The following PTRH1 variants were observed in gnomAD, a reference collection of about 807,000 sequenced individuals.
The protein encoded by PTRH1 is peptidyl-tRNA hydrolase.
A neutral mutation model predicts 15.7 loss-of-function variants in PTRH1; 13 were observed. The ratio of observed to expected loss-of-function variants is 0.83; its 90% CI spans 0.54 to 1.31. The LOEUF (loss-of-function observed/expected upper bound fraction) is 1.31. PTRH1 is among the 40% of genes most tolerant of loss of function. The pLI is 0.00. For synonymous variants in PTRH1, 139 were observed against 136.7 expected (o/e 1.02, Z -0.12); for missense variants, 319 against 296.2 (o/e 1.08, Z -0.56).
At chr9:127,712,925 C>T, downstream of PTRH1, 1 of 1,589,662 alleles carries the variant, frequency 6.3e-7, no homozygotes, top group South Asian at 1.1e-5. Context: ...GAGAGCAGGG[C>T]AAAGGCATTC....
In PTRH1 at chr9:127,715,326, G is replaced by A. The variant is rs766688810; in HGVS notation, c.97-132C>T. The A allele has an allele frequency of 1.1e-5, 14 of 1,289,856 alleles. No individual in the cohort carries two copies. Among genetic ancestry groups the A allele is most frequent in the South Asian group, 7.6e-5 (6 of 78,970 alleles). 79.9% of individuals were successfully genotyped at this position (1,289,856 alleles called of 1,614,324 possible). On this transcript the variant is annotated intron_variant, in intron 1 of 4. Coordinates refer to ENST00000543175, the MANE Select transcript of PTRH1 (RefSeq NM_001002913.3). The surrounding 1 kb of genome is among the most constrained non-coding windows in gnomAD (Gnocchi z 5.8). ...GCAGTGGGGAAGGGGCGCGAAGAAG[G>A]GGCCCAGAAACCCGACCCCTGAGAA...
Position 127,705,925 on chromosome 9 carries a change from C to T in PTRH1, c.205+9510G>A, listed in dbSNP as rs1842642645. Among the ~76,000 whole-genome samples the T allele has an allele frequency of 6.6e-6, 1 of 152,240 alleles. No homozygotes were observed. Among genetic ancestry groups the T allele is most frequent in the Non-Finnish European group, 1.5e-5 (1 of 68,038 alleles). On this transcript the variant is annotated intron_variant, in intron 1 of 2. Coordinates refer to the PTRH1 transcript ENST00000335223. The surrounding 1 kb of genome is among the most constrained non-coding windows in gnomAD (Gnocchi z 4.7). Reference sequence around the variant, plus strand: ...GGCTGCCCTGCCTGCAGGGAACAGGCACCCTGGGAAGGGCAGACCACCACA... The same window carrying T: ...GGCTGCCCTGCCTGCAGGGAACAGGTACCCTGGGAAGGGCAGACCACCACA...
At position 127,705,969 on chromosome 9, in the gene PTRH1, C is replaced by T. The variant is rs1254105744; in HGVS notation, c.205+9466G>A. The stretch of plus-strand genomic sequence containing the variant: ...CACCACAGGCGAGGTCCAGGGCTGT[C>T]GGAAATTCCAGGCAGGCCTGCCTAC... On this transcript the variant is annotated intron_variant, in intron 1 of 2. Transcript: ENST00000335223. The surrounding 1 kb of genome is among the most constrained non-coding windows in gnomAD (Gnocchi z 4.7). Among the ~76,000 whole-genome samples, 6 of 152,232 alleles carry T rather than the reference C, an allele frequency of 3.9e-5. No individual in the cohort carries two copies. Among genetic ancestry groups the T allele is most frequent in the African/African-American group, 1.4e-4 (6 of 41,458 alleles).
chr9:127,704,804 T>G (rs916405279), intron 1 of PTRH1, among the ~76,000 whole-genome samples: 1 of 152,150 alleles, frequency 6.6e-6, no homozygotes, highest in African/African-American at 2.4e-5. Flanking sequence ...ACAGAGACAC[T>G]GTGGCATGAT....
chr9:127,701,634 C>T (rs1026551189), intron 1 of PTRH1, among the ~76,000 whole-genome samples: 10 of 152,258 alleles, frequency 6.6e-5, no homozygotes, highest in East Asian at 1.9e-4. Flanking sequence ...ATGTTTGGGC[C>T]GGGAGCGGTG....
Position 127,713,880 on chromosome 9 carries a change from C to T in PTRH1, c.*220G>A, listed in dbSNP as rs1842829567. On this transcript the variant is annotated 3_prime_UTR_variant, in exon 5 of 5. Coordinates refer to ENST00000543175, the MANE Select transcript of PTRH1 (RefSeq NM_001002913.3). ...AAAAGGCTTGAAAAGTTTAGTCTTCCTGAAGTTCCCCTACGTCCCAAGTAG... is the reference window on the plus strand; with the variant it reads ...AAAAGGCTTGAAAAGTTTAGTCTTCTTGAAGTTCCCCTACGTCCCAAGTAG... 2.5e-6 allele frequency: 4 copies of T among 1,613,840 alleles called. No individual in the cohort carries two copies. The highest frequency in any genetic ancestry group is 1.7e-5 in the Admixed American group (1 of 59,994).
At chr9:127,711,104 C>A (rs886137834), downstream of PTRH1, 8 of 1,260,378 alleles carry the variant, frequency 6.3e-6, no homozygotes, top group African/African-American at 7.6e-5. Flanking sequence ...ATAGCCCCAA[C>A]CCTCCCAGGG....
Position 127,714,741 on chromosome 9 carries a change from C to A in PTRH1, c.317-39G>T, listed in dbSNP as rs373268232. Reference sequence around the variant, plus strand: ...AACGGCAGCCCTGGTTACTGCCCATCTGCCCAGAGAGGCACTGTCCCGACT... The same window carrying A: ...AACGGCAGCCCTGGTTACTGCCCATATGCCCAGAGAGGCACTGTCCCGACT... On this transcript the variant is annotated intron_variant, in intron 2 of 4. Transcript: ENST00000543175. 1.7e-4 allele frequency: 264 copies of A among 1,533,260 alleles called. No individual in the cohort carries two copies. In the African/African-American group the frequency reaches 3.4e-3, roughly 20 times the overall value. The allele number at this position is 1,533,260 out of a possible 1,614,324, so 95.0% of individuals were successfully genotyped here. A position where few individuals can be genotyped will look rare whatever the true frequency, so the allele number is the denominator to read the frequency against.
Position 127,715,105 on chromosome 9 carries a change from C to T in PTRH1, c.186G>A (p.Val62=). Residue 62 remains valine, a synonymous_variant, in exon 2 of 5, where the codon GTG becomes GTA. Transcript: ENST00000543175. This position sits in a 1 kb window ranked among gnomAD's most constrained non-coding sequence, Gnocchi z 5.8. ...VLGQLARRLG[V]AESWTRDRHC... is the part of the protein sequence containing the mutation. Reference sequence around the variant, plus strand: ...GCCGGTCGCGCGTCCAACTCTCCGCCACACCCAGCCGCCGCGCCAGCTGCC... The same window carrying T: ...GCCGGTCGCGCGTCCAACTCTCCGCTACACCCAGCCGCCGCGCCAGCTGCC... 3.9e-6 allele frequency: 6 copies of T among 1,533,792 alleles called. No individual in the cohort carries two copies. Among genetic ancestry groups the T allele is most frequent in the Non-Finnish European group, 4.4e-6 (5 of 1,145,892 alleles).
At chr9:127,707,662 G>T (rs999056760) in intron 1 of PTRH1, among the ~76,000 whole-genome samples, 1 of 152,238 alleles carries the variant, frequency 6.6e-6, no homozygotes, top group Non-Finnish European at 1.5e-5. Flanking sequence ...AGTGGGGAAG[G>T]TTGATTCCCC....
At chr9:127,711,703 G>A, downstream of PTRH1, 1 of 1,266,226 alleles carries the variant, frequency 7.9e-7, no homozygotes. Flanking sequence ...TGGAAGCAGA[G>A]TCCAGCCCTG....
intron 1 of PTRH1, among the ~76,000 whole-genome samples, chr9:127,702,612 A>C (rs1234053323): frequency 6.6e-6 from 1 of 152,156 alleles, no homozygotes; most frequent in Non-Finnish European, 1.5e-5. Context: ...GATTATCATC[A>C]CCACAACCAT....
chr9:127,712,139 C>T (rs1588394256), downstream of PTRH1: 2 of 1,594,906 alleles, frequency 1.3e-6, no homozygotes, highest in East Asian at 4.5e-5. Context: ...CCCCTGGCCC[C>T]AGGTGGCCCC....
chr9:127,699,466 G>A (rs1019972672), intron 1 of PTRH1, among the ~76,000 whole-genome samples: 3 of 152,238 alleles, frequency 2.0e-5, no homozygotes, highest in African/African-American at 7.2e-5. Flanking sequence ...TAGCCGGGCT[G>A]TTTAGGGATT....
rs752123340 is a variant in PTRH1 at position 127,715,179 on chromosome 9, TC to T, written c.111del (p.Asn38IlefsTer58). On this transcript the variant is annotated frameshift_variant, in exon 2 of 5. Coordinates refer to ENST00000543175, the MANE Select transcript of PTRH1 (RefSeq NM_001002913.3). LOFTEE classifies it high-confidence loss of function. This position sits in a 1 kb window ranked among gnomAD's most constrained non-coding sequence, Gnocchi z 5.8. ...TGTCGCGTGCCGGGCAGTCCGGGATTCCCCAGGCCAGCCACCTGCGGGCGGC... is the reference window on the plus strand; with the variant it reads ...TGTCGCGTGCCGGGCAGTCCGGGATTCCCAGGCCAGCCACCTGCGGGCGGC... Reference protein sequence around the residue: ...PGKRWMVAGLGNPGLPGTRHS... With the variant: ...PGKRWMVAGLXNPGLPGTRHS... 3 of 1,526,246 alleles carry T rather than the reference TC, an allele frequency of 2.0e-6. No homozygotes were observed. In the South Asian group the frequency reaches 3.6e-5, roughly 18 times the overall value. The allele number at this position is 1,526,246 out of a possible 1,614,324, so 94.5% of individuals were successfully genotyped here. A position where few individuals can be genotyped will look rare whatever the true frequency, so the allele number is the denominator to read the frequency against.
intron 1 of PTRH1, chr9:127,695,396 C>A: frequency 2.1e-6 from 1 of 468,320 alleles, no homozygotes; most frequent in Non-Finnish European, 3.7e-6. Flanking sequence ...GAGTGAGGGT[C>A]GTGATCAACT....
downstream of PTRH1, chr9:127,713,742 A>G (rs1161690552): frequency 1.1e-5 from 12 of 1,054,440 alleles, 1 homozygote; most frequent in Middle Eastern, 2.4e-4. Flanking sequence ...CCTGACGTCA[A>G]GCAATCCCCC....
chr9:127,710,292 A>AC (rs201891415), downstream of PTRH1, among the ~76,000 whole-genome samples: 2 of 147,752 alleles, frequency 1.4e-5, no homozygotes, highest in African/African-American at 5.4e-5. Flanking sequence ...CAAAAAAAAA[A>AC]AAAAAAACAA....
At chr9:127,712,138 C>G, downstream of PTRH1, 1 of 1,592,220 alleles carries the variant, frequency 6.3e-7, no homozygotes, top group Non-Finnish European at 8.6e-7. Context: ...GCCCCTGGCC[C>G]CAGGTGGCCC....
Sources: gnomAD v4.1 joint callset for allele counts (sites outside exome capture counted in the v4.1 genomes callset) on GRCh38, gnomAD v4.1.1 for gene constraint, Gnocchi (gnomAD v3.1) non-coding constraint, MANE v1.5 for transcripts, NCBI Gene and HGNC (gene_info 2026-07-23, HGNC 2026-07-21) for gene names.